LDLRAD4: variants seen among roughly 807,000 people sequenced by gnomAD.
LDLRAD4 encodes low density lipoprotein receptor class A domain containing 4, also known as low-density lipoprotein receptor class A domain-containing protein 4.
A neutral mutation model predicts 17.0 loss-of-function variants in LDLRAD4; 5 were observed. The ratio of observed to expected loss-of-function variants is 0.29; its 90% CI spans 0.15 to 0.62. LDLRAD4 has a LOEUF of 0.62. LDLRAD4 is among the 20% of genes least tolerant of loss of function. LDLRAD4 has a pLI of 0.84. For synonymous variants in LDLRAD4, 168 were observed against 171.8 expected, an observed-to-expected ratio of 0.98 and a Z score of 0.17; for missense variants, 340 against 424.7, an observed-to-expected ratio of 0.80 and a Z score of 1.75.
At position 13,293,077 on chromosome 18, in the gene LDLRAD4, G is replaced by A. The variant is rs1168646346; in HGVS notation, c.-383+14889G>A. ...ATCTTAACTTAAAAGGTGGATGCAT[G>A]CTGAAAACACAAACTTGAAATCACT... On this transcript the variant is annotated intron_variant, in intron 1 of 5. Coordinates refer to ENST00000359446, the Ensembl canonical transcript of LDLRAD4. Among the ~76,000 whole-genome samples, 9 of 152,362 alleles carry A rather than the reference G, an allele frequency of 5.9e-5. No homozygotes were observed. In the East Asian group the frequency reaches 1.7e-3, roughly 29 times the overall value.
chr18:13,620,190 G>A (rs1013658728), intron 3 of LDLRAD4, among the ~76,000 whole-genome samples: 3 of 152,194 alleles, frequency 2.0e-5, no homozygotes, highest in Admixed American at 6.5e-5. Flanking sequence ...CCCACTGGCC[G>A]GGGCCTGAGC....
chr18:13,457,832 T>A (rs2092225301), intron 3 of LDLRAD4, among the ~76,000 whole-genome samples: 1 of 152,178 alleles, frequency 6.6e-6, no homozygotes, highest in Admixed American at 6.5e-5. Context: ...TCAGTGCTGG[T>A]CTGACTTGCT....
chr18:13,292,407 A>G (rs2046016539), intron 1 of LDLRAD4, among the ~76,000 whole-genome samples: 1 of 152,222 alleles, frequency 6.6e-6, no homozygotes, highest in African/African-American at 2.4e-5. Flanking sequence ...GCAGGTCAGG[A>G]ACATTAGAGT....
At chr18:13,413,819 G>A (rs183846329) in intron 2 of LDLRAD4, among the ~76,000 whole-genome samples, 208 of 152,150 alleles carry the variant, frequency 1.4e-3, no homozygotes, top group African/African-American at 4.7e-3. Context: ...TAATCTCAGC[G>A]ACTGTGGGAA....
At chr18:13,326,143 C>T (rs188654355) in intron 1 of LDLRAD4, among the ~76,000 whole-genome samples, 21 of 152,114 alleles carry the variant, frequency 1.4e-4, no homozygotes, top group Admixed American at 3.9e-4. Context: ...CAATTGTTGA[C>T]GTTTATTAAG....
chr18:13,353,309 G>A (rs1428021183), intron 1 of LDLRAD4, among the ~76,000 whole-genome samples: 2 of 152,196 alleles, frequency 1.3e-5, no homozygotes, highest in Non-Finnish European at 2.9e-5. Context: ...AACAAGCTGA[G>A]CTTTGGGATA....
chr18:13,220,105 T>C (rs1336357730), intron 1 of LDLRAD4, among the ~76,000 whole-genome samples: 1 of 152,272 alleles, frequency 6.6e-6, no homozygotes, highest in Non-Finnish European at 1.5e-5. Context: ...TGTTATTTGA[T>C]GGACCTTTCT....
chr18:13,560,147 C>CA (rs764396555), intron 3 of LDLRAD4, among the ~76,000 whole-genome samples: 8 of 152,076 alleles, frequency 5.3e-5, no homozygotes, highest in Non-Finnish European at 1.2e-4. Context: ...TTGTTCAGAG[C>CA]AAATATAGAA....
intron 3 of LDLRAD4, among the ~76,000 whole-genome samples, chr18:13,444,322 T>C (rs1425439229): frequency 6.6e-6 from 1 of 152,242 alleles, no homozygotes; most frequent in Non-Finnish European, 1.5e-5. Context: ...AACTCCAGGT[T>C]AAACTCCAGG....
intron 1 of LDLRAD4, among the ~76,000 whole-genome samples, chr18:13,384,980 C>T (rs944384737): frequency 6.6e-6 from 1 of 151,918 alleles, no homozygotes; most frequent in Non-Finnish European, 1.5e-5. Context: ...ATACCTATTT[C>T]AGTTCCTTGG....
chr18:13,573,064 G>A (rs2094715201), intron 3 of LDLRAD4, among the ~76,000 whole-genome samples: 2 of 152,220 alleles, frequency 1.3e-5, no homozygotes, highest in Non-Finnish European at 2.9e-5. Context: ...TTACTGCTCT[G>A]AAAGGTTTGT....
Position 13,626,498 on chromosome 18 carries a change from G to A in LDLRAD4, c.336+5227G>A, listed in dbSNP as rs559024884. Among the ~76,000 whole-genome samples, 2 of 152,236 alleles carry A rather than the reference G, an allele frequency of 1.3e-5. 1 individual carries two copies. Reference sequence around the variant, plus strand: ...AGAAGGGTCTGGCCATCAGCGGATGGAGGGAGAGGCAGGAGAGGGACAGGG... The same window carrying A: ...AGAAGGGTCTGGCCATCAGCGGATGAAGGGAGAGGCAGGAGAGGGACAGGG... On this transcript the variant is annotated intron_variant, in intron 4 of 5. Coordinates refer to ENST00000359446, the Ensembl canonical transcript of LDLRAD4.
exon 3 of LDLRAD4, chr18:13,438,255 A>G: frequency 6.2e-7 from 1 of 1,614,056 alleles, no homozygotes; most frequent in Non-Finnish European, 8.5e-7. Context: ...GTGCAAATTC[A>G]CCTGCACCAG....
chr18:13,228,463 T>G (rs2041917358), intron 1 of LDLRAD4, among the ~76,000 whole-genome samples: 1 of 152,194 alleles, frequency 6.6e-6, no homozygotes, highest in African/African-American at 2.4e-5. Flanking sequence ...TGATTTGACC[T>G]TGCTGTTTGG....
chr18:13,266,038 AT>A, intron 1 of LDLRAD4, among the ~76,000 whole-genome samples: 1 of 152,204 alleles, frequency 6.6e-6, no homozygotes, highest in Non-Finnish European at 1.5e-5. Context: ...AAAAATACGG[AT>A]TCCTGGACTC....
intron 3 of LDLRAD4, among the ~76,000 whole-genome samples, chr18:13,592,699 T>C (rs942163534): frequency 2.0e-5 from 3 of 152,254 alleles, no homozygotes; most frequent in African/African-American, 2.4e-5. Flanking sequence ...GGATAATCAA[T>C]GTTGTGCTCC....
intron 3 of LDLRAD4, among the ~76,000 whole-genome samples, chr18:13,506,301 A>C (rs1397267876): frequency 6.6e-6 from 1 of 151,598 alleles, no homozygotes; most frequent in Non-Finnish European, 1.5e-5. Context: ...TACATGTGCC[A>C]TGTTGGTGTG....
chr18:13,412,067 C>T (rs2145709891), intron 2 of LDLRAD4, among the ~76,000 whole-genome samples: 1 of 152,306 alleles, frequency 6.6e-6, no homozygotes, highest in East Asian at 1.9e-4. Flanking sequence ...TGGTCTCAAA[C>T]TCCTGGACTC....
intron 1 of LDLRAD4, among the ~76,000 whole-genome samples, chr18:13,385,108 T>C (rs1293424690): frequency 6.6e-6 from 1 of 152,238 alleles, no homozygotes; most frequent in Non-Finnish European, 1.5e-5. Context: ...ACCAACAGTG[T>C]ACACGGGTTC....
Sources: gnomAD v4.1 joint callset for allele counts (sites outside exome capture counted in the v4.1 genomes callset) on GRCh38, gnomAD v4.1.1 for gene constraint, MANE v1.5 for transcripts, NCBI Gene and HGNC (gene_info 2026-07-23, HGNC 2026-07-21) for gene names.